CRIM1: variants seen among roughly 807,000 people sequenced by gnomAD.
CRIM1 encodes the protein cysteine-rich motor neuron 1 protein.
In CRIM1, 32 loss-of-function variants were observed where a neutral mutation model predicts 116.4. The ratio of observed to expected loss-of-function variants is 0.27; its 90% CI spans 0.21 to 0.37. CRIM1 has a LOEUF of 0.37. Among genes scored for constraint, CRIM1 ranks in the 10% least tolerant of loss-of-function variants. The pLI, the probability that CRIM1 is intolerant of heterozygous loss-of-function variation, is 1.00. For missense variants in CRIM1, 1,331 were observed against 1,354.8 expected (o/e 0.98, Z 0.28); for synonymous variants, 590 against 509.2 (o/e 1.16, Z -2.13).
intron 8 of CRIM1, among the ~76,000 whole-genome samples, chr2:36,504,378 A>G (rs1681235347): frequency 6.6e-6 from 1 of 152,236 alleles, no homozygotes; most frequent in African/African-American, 2.4e-5. Context: ...AATATGTTGT[A>G]AAGAGACAAC....
At chr2:36,386,928 A>G (rs558306058) in intron 1 of CRIM1, among the ~76,000 whole-genome samples, 18 of 141,426 alleles carry the variant, frequency 1.3e-4, no homozygotes, top group African/African-American at 4.2e-4. Flanking sequence ...ATGAAACAAC[A>G]TGGGACATTC....
At chr2:36,455,741 T>C (rs2124982304) in intron 4 of CRIM1, among the ~76,000 whole-genome samples, 1 of 152,224 alleles carries the variant, frequency 6.6e-6, no homozygotes, top group South Asian at 2.1e-4. Flanking sequence ...AATAGAATCT[T>C]TAGGGGAGAG....
intron 3 of CRIM1, among the ~76,000 whole-genome samples, chr2:36,442,064 A>G (rs948024558): frequency 6.6e-6 from 1 of 152,136 alleles, no homozygotes; most frequent in African/African-American, 2.4e-5. Flanking sequence ...CTCTTTGCCA[A>G]CATTTGATGT....
chr2:36,542,404 A>G (rs1667008791), intron 14 of CRIM1, among the ~76,000 whole-genome samples: 1 of 152,118 alleles, frequency 6.6e-6, no homozygotes, highest in South Asian at 2.1e-4. Context: ...TGGGAAGAGG[A>G]CTCACTGTCA....
chr2:36,517,544 T>C lies in CRIM1; in HGVS notation c.2206+2T>C. On this transcript the variant is annotated splice_donor_variant, in intron 12 of 16. Coordinates refer to ENST00000280527, the MANE Select transcript of CRIM1 (RefSeq NM_016441.3). LOFTEE classifies it high-confidence loss of function. ...ATTCCTGCTGCCCACAGTGTACAGG[T>C]AAGCGACACCATGCCTTGTGGGTGC... 6.2e-7 allele frequency: 1 copy of C among 1,607,174 alleles called. No individual in the cohort carries two copies. The highest frequency in any genetic ancestry group is 1.3e-5 in the African/African-American group (1 of 74,904).
At chr2:36,411,870 G>A (rs559017626) in intron 2 of CRIM1, among the ~76,000 whole-genome samples, 26 of 152,204 alleles carry the variant, frequency 1.7e-4, no homozygotes, top group African/African-American at 4.8e-4. Flanking sequence ...TTTGTAAATA[G>A]CTTATAGAGG....
At chr2:36,476,807 T>C in intron 5 of CRIM1, 82 bp from the exon 6 acceptor site, 3 of 1,169,016 alleles carry the variant, frequency 2.6e-6, no homozygotes, top group Non-Finnish European at 3.7e-6. Flanking sequence ...TTAGAAATTT[T>C]CTAGAGGCTG....
In CRIM1 at chr2:36,550,596, ATTTT is replaced by A. The variant is rs917933045; in HGVS notation, c.*1899_*1902del. The A allele has an allele frequency of 2.0e-5, 3 of 152,368 alleles. No homozygotes were observed. The highest frequency in any genetic ancestry group is 2.9e-5 in the Non-Finnish European group (2 of 67,982). 9.4% of individuals were successfully genotyped at this position (152,368 alleles called of 1,614,324 possible). A position where few individuals can be genotyped will look rare whatever the true frequency, so the allele number is the denominator to read the frequency against. ...TAATTTATTAATCTGAAGATTAACC[ATTTT>A]TTTGTCTTAGAATATCAAAAAGAAA... On this transcript the variant is annotated 3_prime_UTR_variant, in exon 17 of 17. Coordinates refer to ENST00000280527, the MANE Select transcript of CRIM1 (RefSeq NM_016441.3).
Position 36,517,378 on chromosome 2 carries a change from C to T in CRIM1, c.2042C>T (p.Ala681Val), listed in dbSNP as rs1421271745. 2 of 1,614,194 alleles carry T rather than the reference C, an allele frequency of 1.2e-6. No individual in the cohort carries two copies. Among genetic ancestry groups the T allele is most frequent in the South Asian group, 2.2e-5 (2 of 91,084 alleles). ...PELSTPSICH[A>V]PGGEYFVEGE... Reference sequence around the variant, plus strand: ...CTCAGTACTCCCTCCATTTGCCACGCCCCTGGAGGAGAATACTTTGTGGAA... The same window carrying T: ...CTCAGTACTCCCTCCATTTGCCACGTCCCTGGAGGAGAATACTTTGTGGAA... The change falls in exon 12 of 17, where the codon GCC becomes GTC. Residue 681 changes from alanine to valine, a missense_variant. Physicochemically the swap from Ala to Val is moderately conservative, Grantham distance 64. This residue lies in a region of CRIM1 where 358 missense variants were observed against 436.1 expected (regional missense o/e 0.82). Transcript: ENST00000280527.
At chr2:36,541,957 G>GAAAGA (rs1666972943) in intron 14 of CRIM1, among the ~76,000 whole-genome samples, 1 of 152,168 alleles carries the variant, frequency 6.6e-6, no homozygotes, top group East Asian at 1.9e-4. Flanking sequence ...TTTTTTAACT[G>GAAAGA]AAAGAATTGT....
intron 9 of CRIM1, among the ~76,000 whole-genome samples, chr2:36,511,084 G>C (rs1382781726): frequency 6.6e-6 from 1 of 152,006 alleles, no homozygotes; most frequent in African/African-American, 2.4e-5. Flanking sequence ...TGGGACTAGA[G>C]GCATGCGCCA....
intron 13 of CRIM1, among the ~76,000 whole-genome samples, chr2:36,529,815 T>C (rs1665993589): frequency 6.6e-6 from 1 of 152,178 alleles, no homozygotes; most frequent in Non-Finnish European, 1.5e-5. Flanking sequence ...GTTGAAGAAA[T>C]CTGATAGGCT....
chr2:36,489,258 C>T (rs867569481), intron 7 of CRIM1, among the ~76,000 whole-genome samples: 1 of 152,098 alleles, frequency 6.6e-6, no homozygotes, highest in South Asian at 2.1e-4. Flanking sequence ...TTGTTTTTCA[C>T]CTTAATGGAC....
chr2:36,442,139 T>C (rs768744618), intron 3 of CRIM1, among the ~76,000 whole-genome samples: 2 of 152,248 alleles, frequency 1.3e-5, no homozygotes, highest in African/African-American at 4.8e-5. Context: ...TGTGGCAGCA[T>C]TTCCGATGTG....
intron 2 of CRIM1, among the ~76,000 whole-genome samples, chr2:36,417,260 C>T (rs2124838367): frequency 6.6e-6 from 1 of 152,314 alleles, no homozygotes; most frequent in South Asian, 2.1e-4. Flanking sequence ...TCTCGCCCAC[C>T]ATACCTCTTC....
At chr2:36,485,738 A>G (rs1679768091) in intron 7 of CRIM1, among the ~76,000 whole-genome samples, 1 of 152,184 alleles carries the variant, frequency 6.6e-6, no homozygotes, top group Admixed American at 6.5e-5. Context: ...CATGTTATTA[A>G]CATTCTGGTA....
intron 2 of CRIM1, among the ~76,000 whole-genome samples, chr2:36,403,260 G>C (rs1672550080): frequency 6.6e-6 from 1 of 152,128 alleles, no homozygotes; most frequent in Non-Finnish European, 1.5e-5. Context: ...GACACTTAGG[G>C]CTTTAGATAA....
chr2:36,506,465 C>G (rs1195628592), intron 8 of CRIM1, among the ~76,000 whole-genome samples: 1 of 152,096 alleles, frequency 6.6e-6, no homozygotes, highest in Non-Finnish European at 1.5e-5. Context: ...TAGGGGACAC[C>G]ATCCACAGTG....
chr2:36,483,088 A>G (rs1410804251), intron 7 of CRIM1, among the ~76,000 whole-genome samples: 2 of 152,202 alleles, frequency 1.3e-5, no homozygotes, highest in Non-Finnish European at 2.9e-5. Context: ...CACCCAATTC[A>G]GGTATACAGA....
Sources: allele counts gnomAD v4.1 joint callset (sites outside exome capture counted in the v4.1 genomes callset), GRCh38; gene constraint gnomAD v4.1.1; regional missense constraint gnomAD v4.1.1; transcripts MANE v1.5; gene names NCBI Gene and HGNC (gene_info 2026-07-23, HGNC 2026-07-21).